TANK: variants seen among roughly 807,000 people sequenced by gnomAD.
The protein encoded by TANK is TRAF family member-associated NF-kappa-B activator.
In TANK, 15 loss-of-function variants were observed where a neutral mutation model predicts 43.6. The ratio of observed to expected loss-of-function variants is 0.34; its 90% CI spans 0.23 to 0.53. TANK has a LOEUF of 0.53. TANK is among the 20% of genes least tolerant of loss of function. The probability of loss-of-function intolerance (pLI) is 0.94; values close to 1 mark genes in which losing one functional copy is unlikely to be tolerated. For synonymous variants in TANK, 162 were observed against 178.2 expected (o/e 0.91, Z 0.73); for missense variants, 417 against 498.6 (o/e 0.84, Z 1.56).
intron 1 of TANK, among the ~76,000 whole-genome samples, chr2:161,150,598 TTTTTTTTTTTTC>T (rs969275484): frequency 1.2e-4 from 17 of 141,622 alleles, no homozygotes; most frequent in African/African-American, 4.6e-4. Context: ...TCTTTTTTTT[TTTTTTTTTTTTC>T]TTTTGAGATG....
At chr2:161,215,855 T>C (rs190448987) in intron 4 of TANK, among the ~76,000 whole-genome samples, 2 of 152,298 alleles carry the variant, frequency 1.3e-5, no homozygotes, top group African/African-American at 2.4e-5. Flanking sequence ...AGCTGATTTA[T>C]TTCCTGAAAG....
chr2:161,228,635 G>A (rs1687754024), intron 6 of TANK, among the ~76,000 whole-genome samples: 1 of 152,128 alleles, frequency 6.6e-6, no homozygotes, highest in Non-Finnish European at 1.5e-5. Context: ...TAACCTAAGT[G>A]TATAGTGTTC....
chr2:161,224,558 T>TATGTGGC (rs1687515134), intron 5 of TANK, 73 bp from the exon 6 acceptor site: 1 of 573,304 alleles, frequency 1.7e-6, no homozygotes, highest in Non-Finnish European at 3.0e-6. Context: ...AAAATGGTAC[T>TATGTGGC]ACATAAGTTT....
chr2:161,191,004 T>C (rs1159072763), intron 2 of TANK, among the ~76,000 whole-genome samples: 1 of 152,190 alleles, frequency 6.6e-6, no homozygotes, highest in Admixed American at 6.5e-5. Context: ...GTTTTATTGC[T>C]ATTCAACTTG....
At chr2:161,144,596 T>C (rs1167063346) in intron 1 of TANK, among the ~76,000 whole-genome samples, 2 of 152,214 alleles carry the variant, frequency 1.3e-5, no homozygotes, top group African/African-American at 4.8e-5. Context: ...TCAATTTCCA[T>C]GTAGTTGTGT....
At chr2:161,224,784 T>C (rs1687527573) in intron 6 of TANK, 38 bp downstream of exon 6, 1 of 1,169,290 alleles carries the variant, frequency 8.6e-7, no homozygotes, top group Non-Finnish European at 1.2e-6. Context: ...ATTGATTTGC[T>C]TGATTGAAAT....
chr2:161,200,125 T>C (rs2105337835), intron 2 of TANK, among the ~76,000 whole-genome samples: 1 of 152,304 alleles, frequency 6.6e-6, no homozygotes, highest in East Asian at 1.9e-4. Flanking sequence ...AAAGAATCAT[T>C]CACACACACT....
At chr2:161,172,670 G>A (rs1196349228) in intron 1 of TANK, among the ~76,000 whole-genome samples, 1 of 152,094 alleles carries the variant, frequency 6.6e-6, no homozygotes, top group Non-Finnish European at 1.5e-5. Context: ...AGTGGCTGGT[G>A]AACCATCTGC....
In TANK at chr2:161,231,172, A is replaced by G. The variant is rs545446011; in HGVS notation, c.722A>G (p.Asn241Ser). 4.3e-5 allele frequency: 70 copies of G among 1,614,048 alleles called. 2 individuals carry two copies. In the South Asian group the frequency reaches 6.9e-4, roughly 16 times the overall value. The change falls in exon 7 of 8, where the codon AAT becomes AGT. Residue 241 changes from asparagine to serine, a missense_variant. Coordinates refer to ENST00000392749, the MANE Select transcript of TANK (RefSeq NM_001199135.3). ...KFNVKFPPMD[N>S]DSTFLHSTPE... is the part of the protein sequence containing the mutation. Reference sequence around the variant, plus strand: ...AATGTCAAGTTTCCACCTATGGACAATGACTCAACTTTCTTACATAGCACT... The same window carrying G: ...AATGTCAAGTTTCCACCTATGGACAGTGACTCAACTTTCTTACATAGCACT...
At chr2:161,200,714 T>A (rs1686366828) in intron 2 of TANK, 2 of 224,830 alleles carry the variant, frequency 8.9e-6, no homozygotes, top group South Asian at 3.1e-4. Context: ...TTTTTAGTGT[T>A]TCTAGAGAAA....
intron 6 of TANK, among the ~76,000 whole-genome samples, chr2:161,227,532 G>A (rs1226911765): frequency 1.3e-5 from 2 of 151,978 alleles, no homozygotes; most frequent in Non-Finnish European, 2.9e-5. Flanking sequence ...TGTAAAGTGG[G>A]GATAATAATA....
intron 1 of TANK, among the ~76,000 whole-genome samples, chr2:161,168,697 G>C (rs1410265875): frequency 6.6e-6 from 1 of 152,170 alleles, no homozygotes; most frequent in Non-Finnish European, 1.5e-5. Flanking sequence ...GCTGGGTGTG[G>C]TGGCGTGCGC....
chr2:161,200,490 G>T (rs1041397158), intron 2 of TANK: 1 of 973,966 alleles, frequency 1.0e-6, no homozygotes, highest in Non-Finnish European at 1.2e-6. Flanking sequence ...CCAGTTTGAT[G>T]TAATATTTCC....
At position 161,160,472 on chromosome 2, in the gene TANK, G is replaced by A; in HGVS notation, c.-64G>A. On this transcript the variant is annotated 5_prime_UTR_variant, in exon 1 of 8. Coordinates refer to ENST00000392749, the MANE Select transcript of TANK (RefSeq NM_001199135.3). ...ACCTGAGGGGAGAGGGAACGCAGCT[G>A]AAAGCGTGAACTGTGTGAGTAAGAA... The A allele has an allele frequency of 8.1e-7, 1 of 1,239,074 alleles. No homozygotes were observed. The highest frequency in any genetic ancestry group is 1.0e-6 in the Non-Finnish European group (1 of 991,150). 76.8% of individuals were successfully genotyped at this position (1,239,074 alleles called of 1,614,324 possible).
intron 1 of TANK, among the ~76,000 whole-genome samples, chr2:161,170,243 TCAA>T: frequency 6.6e-6 from 1 of 152,318 alleles, no homozygotes; most frequent in East Asian, 1.9e-4. Context: ...GTCAAATTTC[TCAA>T]CAAGAACTTC....
chr2:161,186,530 T>C (rs532370948), intron 2 of TANK, among the ~76,000 whole-genome samples: 7 of 152,176 alleles, frequency 4.6e-5, no homozygotes, highest in Admixed American at 2.0e-4. Flanking sequence ...TCACCATGTA[T>C]AAAAATCAAA....
At chr2:161,233,409 ATAATT>A (rs1401625319) in intron 7 of TANK, among the ~76,000 whole-genome samples, 1 of 152,012 alleles carries the variant, frequency 6.6e-6, no homozygotes, top group African/African-American at 2.4e-5. Context: ...AATAATAATA[ATAATT>A]TTTTTTTTAA....
At chr2:161,158,626 T>G (rs1047993738), upstream of TANK, among the ~76,000 whole-genome samples, 1 of 152,252 alleles carries the variant, frequency 6.6e-6, no homozygotes, top group Non-Finnish European at 1.5e-5. Flanking sequence ...ACTCTGAGTA[T>G]ATTACTAAAT....
intron 1 of TANK, among the ~76,000 whole-genome samples, chr2:161,175,297 T>C (rs972914050): frequency 3.3e-5 from 5 of 152,144 alleles, no homozygotes. Flanking sequence ...TAATGAACAA[T>C]CCTTGAACCA....
Sources: gnomAD v4.1 joint callset for allele counts (sites outside exome capture counted in the v4.1 genomes callset) on GRCh38, gnomAD v4.1.1 for gene constraint, MANE v1.5 for transcripts, NCBI Gene and HGNC (gene_info 2026-07-23, HGNC 2026-07-21) for gene names.